The following CDH12 variants were observed in gnomAD, a reference collection of about 807,000 sequenced individuals.
CDH12 encodes cadherin-12.
A neutral mutation model predicts 74.1 loss-of-function variants in CDH12; 41 were observed. The observed-to-expected ratio is 0.55, with a 90% CI of 0.43 to 0.72. The LOEUF (loss-of-function observed/expected upper bound fraction) is 0.72, where lower values mean the gene tolerates loss of function less well. CDH12 is among the 30% of genes least tolerant of loss of function. The pLI, the probability that CDH12 is intolerant of heterozygous loss-of-function variation, is 0.00. For missense variants in CDH12, 945 were observed against 977.2 expected (o/e 0.97, Z 0.44); for synonymous variants, 399 against 355.0 (o/e 1.12, Z -1.39).
chr5:22,279,414 T>A (rs1291318173), intron 3 of CDH12, among the ~76,000 whole-genome samples: 1 of 152,200 alleles, frequency 6.6e-6, no homozygotes, highest in African/African-American at 2.4e-5. Flanking sequence ...TTAGGGTACA[T>A]GTGCACAACG....
At chr5:22,538,363 C>T (rs1050663849) in intron 1 of CDH12, among the ~76,000 whole-genome samples, 7 of 152,222 alleles carry the variant, frequency 4.6e-5, no homozygotes, top group Non-Finnish European at 1.0e-4. Flanking sequence ...GGATTAGTCT[C>T]TCCACCAACC....
At chr5:22,294,612 G>C (rs537340694) in intron 3 of CDH12, among the ~76,000 whole-genome samples, 3 of 152,234 alleles carry the variant, frequency 2.0e-5, no homozygotes, top group Admixed American at 2.0e-4. Flanking sequence ...CAACATAGCA[G>C]ACTAGCATCC....
chr5:21,793,072 A>AT (rs1470309475), intron 10 of CDH12, among the ~76,000 whole-genome samples: 1 of 151,392 alleles, frequency 6.6e-6, no homozygotes, highest in Non-Finnish European at 1.5e-5. Context: ...GATCATTTCA[A>AT]TTTTTTTTCC....
chr5:22,402,061 A>T (rs554812221), intron 3 of CDH12, among the ~76,000 whole-genome samples: 1 of 152,148 alleles, frequency 6.6e-6, no homozygotes, highest in Non-Finnish European at 1.5e-5. Flanking sequence ...AAATCACCCA[A>T]TGTGTGGCCA....
chr5:22,360,495 G>A (rs1054805549), intron 3 of CDH12, among the ~76,000 whole-genome samples: 27 of 152,130 alleles, frequency 1.8e-4, no homozygotes, highest in African/African-American at 6.5e-4. Context: ...AATTCTACCA[G>A]GGGTACAAGG....
intron 3 of CDH12, among the ~76,000 whole-genome samples, chr5:22,321,824 C>A (rs112542600): frequency 6.6e-6 from 1 of 151,660 alleles, no homozygotes; most frequent in African/African-American, 2.4e-5. Context: ...CAAGCAGCAA[C>A]GTATTATTAA....
chr5:21,812,510 T>G (rs1747803314), intron 9 of CDH12, among the ~76,000 whole-genome samples: 1 of 152,160 alleles, frequency 6.6e-6, no homozygotes, highest in Non-Finnish European at 1.5e-5. Flanking sequence ...TCTGAGAACT[T>G]ATTGAATATA....
chr5:22,187,100 T>C (rs1269080366), intron 4 of CDH12, among the ~76,000 whole-genome samples: 1 of 152,208 alleles, frequency 6.6e-6, no homozygotes, highest in Non-Finnish European at 1.5e-5. Context: ...ACAAAGTTAC[T>C]GGTGTTACTA....
intron 2 of CDH12, among the ~76,000 whole-genome samples, chr5:22,488,454 T>A (rs1041537143): frequency 1.3e-5 from 2 of 152,186 alleles, no homozygotes; most frequent in Non-Finnish European, 2.9e-5. Flanking sequence ...GCCTTTTATT[T>A]CCCATATTTT....
intron 1 of CDH12, among the ~76,000 whole-genome samples, chr5:22,832,658 T>C (rs994296214): frequency 1.3e-5 from 2 of 152,180 alleles, no homozygotes; most frequent in African/African-American, 2.4e-5. Flanking sequence ...ATATTCTAAA[T>C]ATATTTTTCA....
At chr5:22,668,338 C>T (rs1427854297) in intron 1 of CDH12, among the ~76,000 whole-genome samples, 3 of 152,140 alleles carry the variant, frequency 2.0e-5, no homozygotes, top group African/African-American at 7.2e-5. Flanking sequence ...GCACCTGAAT[C>T]TAAAATAAAA....
At chr5:21,996,933 G>A (rs553447778) in intron 5 of CDH12, among the ~76,000 whole-genome samples, 13 of 152,140 alleles carry the variant, frequency 8.5e-5, no homozygotes, top group African/African-American at 2.2e-4. Context: ...AGATAGAAGC[G>A]TCATTATCTG....
At chr5:22,165,001 G>A (rs1173156946) in intron 4 of CDH12, among the ~76,000 whole-genome samples, 1 of 146,262 alleles carries the variant, frequency 6.8e-6, no homozygotes, top group East Asian at 2.0e-4. Context: ...TTGCGAAAGG[G>A]AATTAATTCA....
chr5:22,162,511 CAA>C (rs1459097631), intron 4 of CDH12, among the ~76,000 whole-genome samples: 4 of 152,174 alleles, frequency 2.6e-5, no homozygotes, highest in Non-Finnish European at 5.9e-5. Flanking sequence ...GGGGAGAATA[CAA>C]CGTCAAGCTC....
intron 1 of CDH12, among the ~76,000 whole-genome samples, chr5:22,823,754 T>C (rs1396048156): frequency 6.6e-6 from 1 of 152,072 alleles, no homozygotes; most frequent in Non-Finnish European, 1.5e-5. Context: ...CTGATGGTTT[T>C]ATAAATGGCA....
At position 21,801,468 on chromosome 5, in the gene CDH12, A is replaced by G. The variant is rs1223670919; in HGVS notation, c.1256+699T>C. 2.0e-5 allele frequency among the ~76,000 whole-genome samples: 3 copies of G among 152,004 alleles called. No individual in the cohort carries two copies. The East Asian group carries it at 5.8e-4, about 29-fold the overall frequency. ...AACGAATGGGAAATAAAGTCTCAAAACATACTGCTGGGTCAATGCATAAAT... is the reference window on the plus strand; with the variant it reads ...AACGAATGGGAAATAAAGTCTCAAAGCATACTGCTGGGTCAATGCATAAAT... On this transcript the variant is annotated intron_variant, in intron 10 of 14. Transcript: ENST00000382254.
chr5:22,195,308 T>A (rs2150349910), intron 4 of CDH12, among the ~76,000 whole-genome samples: 1 of 152,212 alleles, frequency 6.6e-6, no homozygotes, highest in South Asian at 2.1e-4. Flanking sequence ...TTATAGTATC[T>A]CATTATATAA....
intron 6 of CDH12, among the ~76,000 whole-genome samples, chr5:21,918,185 TA>T (rs1754188047): frequency 1.3e-5 from 2 of 152,132 alleles, no homozygotes; most frequent in Non-Finnish European, 2.9e-5. Flanking sequence ...AAAATGCTTA[TA>T]AAATTAGTAT....
At position 22,059,326 on chromosome 5, in the gene CDH12, G is replaced by A. The variant is rs982857843; in HGVS notation, c.231+19120C>T. ...TCTATCTATCATCTATCCATCTATC[G>A]TCTATCTATCATCTATCTATCTATC... On this transcript the variant is annotated intron_variant, in intron 5 of 14. Transcript: ENST00000382254. 8.5e-3 allele frequency among the ~76,000 whole-genome samples: 1,173 copies of A among 138,550 alleles called. 11 individuals are homozygous for A. The highest frequency in any genetic ancestry group is 0.012 in the South Asian group (51 of 4,316). The allele number at this position is 138,550 out of a possible 152,430, so 90.9% of individuals were successfully genotyped here.
Sources: allele counts gnomAD v4.1 joint callset (sites outside exome capture counted in the v4.1 genomes callset), GRCh38; gene constraint gnomAD v4.1.1; transcripts MANE v1.5; gene names NCBI Gene and HGNC (gene_info 2026-07-23, HGNC 2026-07-21).